ALPK1: variants seen among roughly 807,000 people sequenced by gnomAD.
ALPK1 encodes the protein alpha-protein kinase 1.
In ALPK1, 110 loss-of-function variants were observed where a neutral mutation model predicts 120.6. The ratio of observed to expected loss-of-function variants is 0.91; its 90% CI spans 0.78 to 1.07. The LOEUF (loss-of-function observed/expected upper bound fraction) is 1.07, where lower values mean the gene tolerates loss of function less well. Ranked by LOEUF, ALPK1 falls within the 50% of genes least tolerant of loss-of-function variation. The pLI is 0.00. For synonymous variants in ALPK1, 582 were observed against 560.3 expected (o/e 1.04, Z -0.55); for missense variants, 1,498 against 1,483.9 (o/e 1.01, Z -0.16).
intron 2 of ALPK1, among the ~76,000 whole-genome samples, chr4:112,336,305 TTAAAATAATGGG>T (rs1433533739): frequency 6.6e-6 from 1 of 152,172 alleles, no homozygotes; most frequent in Non-Finnish European, 1.5e-5. Flanking sequence ...AGTAGATTCA[TTAAAATAATGGG>T]TAAAATGAGA....
In ALPK1 at chr4:112,432,462, C is replaced by T. The variant is rs571435789; in HGVS notation, c.2915C>T (p.Ala972Val). ...PGKMRKEILEARTLQPDDFEK... is the reference protein window; with the variant it reads ...PGKMRKEILEVRTLQPDDFEK... The stretch of plus-strand genomic sequence containing the variant: ...AAGATGAGGAAAGAGATCCTTGAGG[C>T]TCGCACCTTGCAACCTGATGACTTT... Residue 972 changes from alanine (A) to valine (V), a missense_variant, in exon 11 of 16, where the codon GCT becomes GTT. Transcript: ENST00000650871. 6.2e-7 allele frequency: 1 copy of T among 1,614,150 alleles called. No homozygotes were observed. Among genetic ancestry groups the T allele is most frequent in the Admixed American group, 1.7e-5 (1 of 60,018 alleles).
intron 2 of ALPK1, chr4:112,343,433 A>G (rs1729951753): frequency 6.6e-6 from 1 of 152,196 alleles, no homozygotes; most frequent in East Asian, 1.9e-4. Flanking sequence ...TGAATGCACT[A>G]CAGAAACTGG....
intron 4 of ALPK1, among the ~76,000 whole-genome samples, chr4:112,385,435 CCTT>C (rs1047179657): frequency 2.0e-5 from 3 of 152,164 alleles, no homozygotes; most frequent in African/African-American, 7.2e-5. Flanking sequence ...GTCTATTAGG[CCTT>C]CTTTAGTCTC....
At chr4:112,333,729 T>A (rs139080528) in intron 2 of ALPK1, among the ~76,000 whole-genome samples, 79 of 152,284 alleles carry the variant, frequency 5.2e-4, no homozygotes, top group African/African-American at 1.8e-3. Context: ...ATTCCACTAG[T>A]TTCTGTTGAC....
intron 14 of ALPK1, 36 bp from the exon 15 acceptor site, chr4:112,440,881 G>T: frequency 6.4e-7 from 1 of 1,567,302 alleles, no homozygotes; most frequent in South Asian, 1.2e-5. Context: ...CATTTACAGG[G>T]AATTTAATAC....
intron 5 of ALPK1, among the ~76,000 whole-genome samples, chr4:112,420,117 A>T (rs1299101508): frequency 6.6e-6 from 1 of 152,252 alleles, no homozygotes. Context: ...TTAGAGGTAC[A>T]TGGGACAGGG....
At chr4:112,368,254 G>T (rs1731245441) in intron 2 of ALPK1, among the ~76,000 whole-genome samples, 1 of 152,008 alleles carries the variant, frequency 6.6e-6, no homozygotes, top group Non-Finnish European at 1.5e-5. Context: ...TGCATTCATT[G>T]AATTTTTAAT....
rs532400659 is a variant in ALPK1 at position 112,431,943 on chromosome 4, C to A, written c.2396C>A (p.Pro799His). The A allele has an allele frequency of 4.3e-6, 7 of 1,614,070 alleles. No individual in the cohort carries two copies. Among genetic ancestry groups the A allele is most frequent in the South Asian group, 2.2e-5 (2 of 91,086 alleles). Residue 799 changes from proline to histidine, a missense_variant, in exon 11 of 16, where the codon CCC becomes CAC. Pro to His is a moderately conservative substitution (Grantham distance 77). Transcript: ENST00000650871. ...GETAESTEDAPLDFHRVLHNS... is the reference protein window; with the variant it reads ...GETAESTEDAHLDFHRVLHNS... ...ACAGCAGAAAGCACTGAAGATGCAC[C>A]CTTAGACTTTCACAGGGTCCTGCAC...
chr4:112,308,883 C>G (rs1728255642), intron 1 of ALPK1, among the ~76,000 whole-genome samples: 1 of 152,076 alleles, frequency 6.6e-6, no homozygotes, highest in African/African-American at 2.4e-5. Context: ...GTGGTTTTAT[C>G]TACCTTTGGT....
At chr4:112,402,636 G>C (rs1301219433) in intron 4 of ALPK1, among the ~76,000 whole-genome samples, 6 of 152,180 alleles carry the variant, frequency 3.9e-5, no homozygotes, top group Non-Finnish European at 8.8e-5. Flanking sequence ...GCGTGTGTCT[G>C]TGTACATGTG....
At chr4:112,366,690 C>T in intron 2 of ALPK1, among the ~76,000 whole-genome samples, 1 of 152,136 alleles carries the variant, frequency 6.6e-6, no homozygotes, top group East Asian at 1.9e-4. Context: ...AGCAATCCCA[C>T]TCCTGGGTAT....
intron 5 of ALPK1, among the ~76,000 whole-genome samples, chr4:112,414,087 C>T (rs981386502): frequency 2.0e-5 from 3 of 152,132 alleles, no homozygotes; most frequent in African/African-American, 7.2e-5. Context: ...TTAGGGGTAA[C>T]AGAAGAAGAT....
intron 2 of ALPK1, chr4:112,343,299 AT>A: frequency 1.3e-5 from 2 of 152,278 alleles, no homozygotes; most frequent in Middle Eastern, 3.4e-3. Flanking sequence ...GATTTTGATT[AT>A]TTTTTAATTT....
In ALPK1 at chr4:112,431,175, A is replaced by T; in HGVS notation, c.1628A>T (p.Asp543Val). The change falls in exon 11 of 16, where the codon GAT (aspartate) becomes GTT (valine). Residue 543 changes from aspartate (D) to valine (V), a missense_variant. Transcript: ENST00000650871. ...RGGRRNWTHSDAFRVSLDQDV... is the reference protein window; with the variant it reads ...RGGRRNWTHSVAFRVSLDQDV... ...GGAAGGAGAAACTGGACCCATTCTG[A>T]TGCATTTCGAGTCTCCTTGGATCAA... 6.2e-7 allele frequency: 1 copy of T among 1,614,192 alleles called. No homozygotes were observed.
At chr4:112,332,413 A>G (rs1729424299) in intron 2 of ALPK1, among the ~76,000 whole-genome samples, 1 of 152,234 alleles carries the variant, frequency 6.6e-6, no homozygotes, top group Admixed American at 6.5e-5. Context: ...GAGTTAGTAG[A>G]TCTCTGAACT....
intron 2 of ALPK1, among the ~76,000 whole-genome samples, chr4:112,374,739 T>C (rs1731575295): frequency 6.6e-6 from 1 of 152,362 alleles, no homozygotes; most frequent in Admixed American, 6.5e-5. Flanking sequence ...ACAACATTAA[T>C]CTTGTACATC....
chr4:112,373,730 A>G (rs1175325081), intron 2 of ALPK1, among the ~76,000 whole-genome samples: 2 of 152,188 alleles, frequency 1.3e-5, no homozygotes, highest in East Asian at 3.9e-4. Flanking sequence ...CTTAAAAAAA[A>G]TTAAAATTAA....
chr4:112,368,066 C>T (rs1041526237), intron 2 of ALPK1, among the ~76,000 whole-genome samples: 1 of 152,022 alleles, frequency 6.6e-6, no homozygotes, highest in African/African-American at 2.4e-5. Context: ...CCACCACGCG[C>T]ACCACCACGC....
intron 2 of ALPK1, among the ~76,000 whole-genome samples, chr4:112,375,439 C>T (rs1250504901): frequency 1.3e-5 from 2 of 152,154 alleles, no homozygotes; most frequent in Admixed American, 6.5e-5. Context: ...TTTGCTGCAG[C>T]TTCTACATCA....
Sources: gnomAD v4.1 joint callset for allele counts (sites outside exome capture counted in the v4.1 genomes callset) on GRCh38, gnomAD v4.1.1 for gene constraint, MANE v1.5 for transcripts, NCBI Gene and HGNC (gene_info 2026-07-23, HGNC 2026-07-21) for gene names.